Variants in TTBK2 observed in about 807,000 individuals in gnomAD.
The protein encoded by TTBK2 is tau-tubulin kinase 2.
In TTBK2, 28 loss-of-function variants were observed where a neutral mutation model predicts 110.8. The observed-to-expected ratio is 0.25, with a 90% confidence interval of 0.19 to 0.35. TTBK2 has a LOEUF of 0.35. Among genes scored for constraint, TTBK2 ranks in the 10% least tolerant of loss-of-function variants. TTBK2 has a pLI of 1.00. For missense variants in TTBK2, 1,369 were observed against 1,500.3 expected, an observed-to-expected ratio of 0.91 and a Z score of 1.45; for synonymous variants, 532 against 527.3, an observed-to-expected ratio of 1.01 and a Z score of -0.12.
At chr15:42,837,633 C>G (rs7171705) in intron 4 of TTBK2, among the ~76,000 whole-genome samples, 151 of 123,584 alleles carry the variant, frequency 1.2e-3, no homozygotes, top group African/African-American at 4.6e-3. Flanking sequence ...CACTCCTGCC[C>G]GGTGACAGAG....
rs917335218 is a variant in TTBK2, at chr15:42,740,755, C to T, written c.*5040G>A. The T allele has an allele frequency of 6.6e-6, 1 of 152,182 alleles. No individual in the cohort carries two copies. The highest frequency in any genetic ancestry group is 1.5e-5 in the Non-Finnish European group (1 of 68,082). The allele number at this position is 152,182 out of a possible 1,614,324, so 9.4% of individuals were successfully genotyped here. On this transcript the variant is annotated 3_prime_UTR_variant, in exon 15 of 15. Transcript: ENST00000267890. Reference sequence around the variant, plus strand: ...TATTTTCAGTAGAGACGGGGTTTCACCCTGTTAGCCAGGATGGTCTCGATC... The same window carrying T: ...TATTTTCAGTAGAGACGGGGTTTCATCCTGTTAGCCAGGATGGTCTCGATC...
At chr15:42,795,291 A>G (rs1344468606) in intron 9 of TTBK2, among the ~76,000 whole-genome samples, 1 of 151,084 alleles carries the variant, frequency 6.6e-6, no homozygotes, top group Non-Finnish European at 1.5e-5. Flanking sequence ...AAAAATTCTT[A>G]AAATATGTGT....
chr15:42,803,224 G>A (rs1891301268), intron 9 of TTBK2, among the ~76,000 whole-genome samples: 6 of 152,038 alleles, frequency 3.9e-5, no homozygotes, highest in Admixed American at 2.0e-4. Flanking sequence ...ATAGCCTATT[G>A]CTACTAGGCT....
chr15:42,800,682 A>C (rs1891144186), intron 9 of TTBK2, among the ~76,000 whole-genome samples: 1 of 152,040 alleles, frequency 6.6e-6, no homozygotes, highest in African/African-American at 2.4e-5. Flanking sequence ...GCCCCACTTC[A>C]GTGATAAGTA....
chr15:42,774,755 T>G (rs1318356181), intron 13 of TTBK2, among the ~76,000 whole-genome samples: 1 of 152,146 alleles, frequency 6.6e-6, no homozygotes, highest in African/African-American at 2.4e-5. Flanking sequence ...CAGTGTACAG[T>G]GTAAAGAACA....
chr15:42,830,421 C>T (rs894828708), intron 4 of TTBK2, among the ~76,000 whole-genome samples: 27 of 151,988 alleles, frequency 1.8e-4, no homozygotes, highest in African/African-American at 6.0e-4. Flanking sequence ...CTCCTGACCT[C>T]AGGTGATCCA....
At chr15:42,887,076 C>T (rs924441324) in intron 1 of TTBK2, among the ~76,000 whole-genome samples, 25 of 152,316 alleles carry the variant, frequency 1.6e-4, no homozygotes, top group Admixed American at 3.9e-4. Context: ...ACATTACCTT[C>T]TTTTCAAGGG....
chr15:42,767,728 T>C (rs552239556), intron 13 of TTBK2, among the ~76,000 whole-genome samples: 7 of 152,100 alleles, frequency 4.6e-5, no homozygotes, highest in South Asian at 4.2e-4. Context: ...TTCCAATCAA[T>C]AGAAAAAGAG....
At chr15:42,756,788 C>T (rs962362702) in intron 13 of TTBK2, among the ~76,000 whole-genome samples, 2 of 151,798 alleles carry the variant, frequency 1.3e-5, no homozygotes, top group Non-Finnish European at 2.9e-5. Context: ...ATCCCAGCTA[C>T]TCAAGAGGCT....
chr15:42,740,694 T>C lies in TTBK2; in HGVS notation c.*5101A>G, dbSNP rs1274450249. ...CCTCAGCCTCCTGAGCATCTGGGAC[T>C]ACAGGCGCCCGCCACCATGCCCAGC... On this transcript the variant is annotated 3_prime_UTR_variant, in exon 15 of 15. Transcript: ENST00000267890. 6.6e-6 allele frequency: 1 copy of C among 152,172 alleles called. No individual in the cohort carries two copies. Among genetic ancestry groups the C allele is most frequent in the African/African-American group, 2.4e-5 (1 of 41,396 alleles). 9.4% of individuals were successfully genotyped at this position (152,172 alleles called of 1,614,324 possible).
intron 3 of TTBK2, among the ~76,000 whole-genome samples, chr15:42,870,395 C>T (rs1293623173): frequency 6.6e-6 from 1 of 151,676 alleles, no homozygotes; most frequent in African/African-American, 2.4e-5. Context: ...TTTGCCTGAA[C>T]TGAGAAAATC....
intron 6 of TTBK2, among the ~76,000 whole-genome samples, chr15:42,820,438 A>G (rs367920765): frequency 2.2e-4 from 33 of 152,292 alleles, no homozygotes; most frequent in African/African-American, 7.7e-4. Context: ...AATCTCTTGA[A>G]ACTTCCTCAA....
At chr15:42,880,601 C>T (rs143276216) in intron 1 of TTBK2, among the ~76,000 whole-genome samples, 27 of 152,114 alleles carry the variant, frequency 1.8e-4, no homozygotes, top group African/African-American at 6.5e-4. Flanking sequence ...ACTATGTTGC[C>T]CAGGCTGGTC....
intron 11 of TTBK2, among the ~76,000 whole-genome samples, chr15:42,782,481 A>C (rs985804234): frequency 6.6e-6 from 1 of 152,216 alleles, no homozygotes; most frequent in Admixed American, 6.5e-5. Flanking sequence ...AATGTTTTGC[A>C]CAATGTTCTG....
chr15:42,862,716 C>A (rs921129006), intron 3 of TTBK2, among the ~76,000 whole-genome samples: 3 of 151,986 alleles, frequency 2.0e-5, no homozygotes, highest in Admixed American at 6.6e-5. Flanking sequence ...TGAAGAAACC[C>A]TGTCTCTACT....
intron 3 of TTBK2, among the ~76,000 whole-genome samples, chr15:42,871,229 C>G (rs1894603592): frequency 6.6e-6 from 1 of 152,038 alleles, no homozygotes; most frequent in Non-Finnish European, 1.5e-5. Flanking sequence ...AATGGGATGT[C>G]ATGTGGTTAT....
At chr15:42,906,495 C>G (rs1404579401) in intron 1 of TTBK2, among the ~76,000 whole-genome samples, 2 of 151,658 alleles carry the variant, frequency 1.3e-5, no homozygotes, top group Non-Finnish European at 2.9e-5. Context: ...ATAGAAAAAC[C>G]CCTATCTTTC....
At chr15:42,909,258 C>T (rs1178115934) in intron 1 of TTBK2, among the ~76,000 whole-genome samples, 1 of 152,228 alleles carries the variant, frequency 6.6e-6, no homozygotes, top group Non-Finnish European at 1.5e-5. Flanking sequence ...CCTCCTGCCT[C>T]GCCTTCCAAA....
At chr15:42,801,479 C>T (rs567534619) in intron 9 of TTBK2, 22 of 787,926 alleles carry the variant, frequency 2.8e-5, no homozygotes, top group African/African-American at 1.2e-4. Context: ...GCTGATGTTC[C>T]GGTTCATCTA....
Sources: allele counts gnomAD v4.1 joint callset (sites outside exome capture counted in the v4.1 genomes callset), GRCh38; gene constraint gnomAD v4.1.1; transcripts MANE v1.5; gene names NCBI Gene and HGNC (gene_info 2026-07-23, HGNC 2026-07-21).